ANKS1B: variants seen among roughly 807,000 people sequenced by gnomAD.
ANKS1B encodes the protein ankyrin repeat and sterile alpha motif domain-containing protein 1B.
Under a neutral mutation model 148.3 loss-of-function variants are expected in ANKS1B, and 36 were observed. That is an observed-to-expected ratio of 0.24 (90% CI 0.19 to 0.32). ANKS1B has a LOEUF of 0.32. Ranked by LOEUF, ANKS1B falls within the 10% of genes least tolerant of loss-of-function variation. The pLI is 1.00. For synonymous variants in ANKS1B, 542 were observed against 560.8 expected (o/e 0.97, Z 0.47); for missense variants, 1,157 against 1,542.6 (o/e 0.75, Z 4.19).
chr12:99,221,062 G>A (rs922275116), intron 14 of ANKS1B, among the ~76,000 whole-genome samples: 11 of 152,202 alleles, frequency 7.2e-5, no homozygotes, highest in African/African-American at 1.9e-4. Context: ...CATGGTGGCC[G>A]GGTGCGGTGG....
chr12:99,908,770 T>C (rs1309163603), intron 1 of ANKS1B, among the ~76,000 whole-genome samples: 1 of 152,204 alleles, frequency 6.6e-6, no homozygotes, highest in East Asian at 1.9e-4. Flanking sequence ...AACATGATGT[T>C]TTGTTATACA....
At chr12:99,750,051 A>G (rs1013735023) in intron 8 of ANKS1B, among the ~76,000 whole-genome samples, 7 of 152,132 alleles carry the variant, frequency 4.6e-5, no homozygotes, top group South Asian at 2.1e-4. Flanking sequence ...ATAACATTCT[A>G]TCTCACAGTT....
chr12:99,861,564 GATT>G (rs1327578937), intron 1 of ANKS1B, among the ~76,000 whole-genome samples: 5 of 151,858 alleles, frequency 3.3e-5, no homozygotes, highest in Admixed American at 1.3e-4. Flanking sequence ...ATTTTTTTCA[GATT>G]ATATTTGGGA....
At chr12:99,914,905 C>A (rs1035619616) in intron 1 of ANKS1B, among the ~76,000 whole-genome samples, 1 of 152,002 alleles carries the variant, frequency 6.6e-6, no homozygotes, top group African/African-American at 2.4e-5. Flanking sequence ...GCCTCTAGAC[C>A]AGTAACTAGG....
intron 8 of ANKS1B, among the ~76,000 whole-genome samples, chr12:99,703,847 A>G (rs1479899115): frequency 1.3e-5 from 2 of 152,118 alleles, no homozygotes; most frequent in African/African-American, 4.8e-5. Context: ...ACGTTTGATA[A>G]ATCGAAAAAT....
chr12:99,369,743 TAGAA>T (rs1555404894), intron 12 of ANKS1B, among the ~76,000 whole-genome samples: 7 of 134,248 alleles, frequency 5.2e-5, no homozygotes, highest in African/African-American at 8.3e-5. Context: ...GATAAATGGA[TAGAA>T]AGATAGATAG....
At chr12:99,047,208 T>C (rs1423456768) in intron 17 of ANKS1B, among the ~76,000 whole-genome samples, 2 of 152,174 alleles carry the variant, frequency 1.3e-5, no homozygotes, top group Admixed American at 6.5e-5. Flanking sequence ...AAGACCAGCC[T>C]GGCCAACATG....
intron 14 of ANKS1B, among the ~76,000 whole-genome samples, chr12:99,188,193 A>G (rs1248287579): frequency 6.6e-6 from 1 of 152,222 alleles, no homozygotes; most frequent in Non-Finnish European, 1.5e-5. Flanking sequence ...AGATTCATAA[A>G]GCAAGTTCTT....
chr12:99,568,817 A>T (rs1480623385), intron 9 of ANKS1B, among the ~76,000 whole-genome samples: 2 of 152,246 alleles, frequency 1.3e-5, no homozygotes, highest in African/African-American at 4.8e-5. Context: ...CAAGTAAGGA[A>T]ATGAAAGCAC....
chr12:99,802,453 TA>T lies in ANKS1B; in HGVS notation c.669+3950del, dbSNP rs141516905. ...TCTTACTTTGACTGATTCTCTTTAT[TA>T]AAAAAATATTTAAAGACTAAAGGGT... On this transcript the variant is annotated intron_variant, in intron 4 of 26. Transcript: ENST00000683438. Among the ~76,000 whole-genome samples the T allele has an allele frequency of 9.0e-3, 1,376 of 152,212 alleles. 24 individuals carry two copies. Among genetic ancestry groups the T allele is most frequent in the African/African-American group, 0.031 (1,293 of 41,522 alleles).
At chr12:99,630,634 C>T (rs1176435453) in intron 9 of ANKS1B, among the ~76,000 whole-genome samples, 1 of 152,144 alleles carries the variant, frequency 6.6e-6, no homozygotes, top group Non-Finnish European at 1.5e-5. Context: ...TCTTAAAACA[C>T]ATCTAAGGGA....
intron 4 of ANKS1B, among the ~76,000 whole-genome samples, chr12:99,786,498 A>G (rs1456737557): frequency 6.6e-6 from 1 of 152,148 alleles, no homozygotes; most frequent in Non-Finnish European, 1.5e-5. Flanking sequence ...GAAAATTAAA[A>G]CAACAACAAC....
intron 17 of ANKS1B, among the ~76,000 whole-genome samples, chr12:98,960,772 A>C (rs1014909195): frequency 3.3e-5 from 5 of 152,226 alleles, no homozygotes; most frequent in African/African-American, 1.2e-4. Flanking sequence ...ATAGAGAAGG[A>C]ATTCAGAATT....
intron 1 of ANKS1B, among the ~76,000 whole-genome samples, chr12:99,955,114 TC>T (rs2095296189): frequency 6.6e-6 from 1 of 152,120 alleles, no homozygotes. Flanking sequence ...GTTCCAAAAC[TC>T]CCCAGGCTTG....
At position 99,402,092 on chromosome 12, in the gene ANKS1B, A is replaced by C. The variant is rs2094420258; in HGVS notation, c.1576-2281T>G. On this transcript the variant is annotated intron_variant, in intron 11 of 26. Coordinates refer to ENST00000683438, the MANE Select transcript of ANKS1B (RefSeq NM_001352186.2). Reference sequence around the variant, plus strand: ...CTCCTGTTCTATGGAATTGTTTCACACCTCAATTTTGTGCTCAATAAAACC... The same window carrying C: ...CTCCTGTTCTATGGAATTGTTTCACCCCTCAATTTTGTGCTCAATAAAACC... 1.4e-5 allele frequency among the ~76,000 whole-genome samples: 2 copies of C among 146,206 alleles called. 1 individual carries two copies. The highest frequency in any genetic ancestry group is 3.0e-5 in the Non-Finnish European group (2 of 66,200).
chr12:99,742,003 A>C (rs2060160988), intron 8 of ANKS1B, among the ~76,000 whole-genome samples: 1 of 152,202 alleles, frequency 6.6e-6, no homozygotes, highest in Non-Finnish European at 1.5e-5. Flanking sequence ...ACACAGGAAG[A>C]GAAAACCAAA....
intron 12 of ANKS1B, among the ~76,000 whole-genome samples, chr12:99,319,807 C>CGTG (rs1566884290): frequency 6.6e-6 from 1 of 152,144 alleles, no homozygotes. Flanking sequence ...TACAATTTGG[C>CGTG]ACATTTTTGC....
intron 10 of ANKS1B, among the ~76,000 whole-genome samples, chr12:99,456,077 C>A (rs1405854892): frequency 1.3e-5 from 2 of 152,094 alleles, no homozygotes; most frequent in African/African-American, 4.8e-5. Flanking sequence ...AGCTGAGAGA[C>A]CTGAAGATGG....
chr12:99,828,852 G>A (rs760306065), intron 1 of ANKS1B, among the ~76,000 whole-genome samples: 30 of 151,854 alleles, frequency 2.0e-4, no homozygotes, highest in Admixed American at 5.9e-4. Context: ...GTGTGGTGGC[G>A]CACGCCTGTA....
Sources: allele counts gnomAD v4.1 joint callset (sites outside exome capture counted in the v4.1 genomes callset), GRCh38; gene constraint gnomAD v4.1.1; transcripts MANE v1.5; gene names NCBI Gene and HGNC (gene_info 2026-07-23, HGNC 2026-07-21).